The following ANKRD18B variants were observed in gnomAD, a reference collection of about 807,000 sequenced individuals.
ANKRD18B encodes ankyrin repeat domain 18B.
A neutral mutation model predicts 111.8 loss-of-function variants in ANKRD18B; 75 were observed. The observed-to-expected ratio is 0.67, with a 90% confidence interval of 0.56 to 0.81. The LOEUF (loss-of-function observed/expected upper bound fraction) is 0.81, where lower values mean the gene tolerates loss of function less well. Among genes scored for constraint, ANKRD18B ranks in the 40% least tolerant of loss-of-function variants. ANKRD18B has a pLI of 0.00. For synonymous variants in ANKRD18B, 356 were observed against 417.3 expected (o/e 0.85, Z 1.79); for missense variants, 1,038 against 1,225.5 (o/e 0.85, Z 2.28).
At chr9:33,530,106 C>T (rs1419977239) in intron 3 of ANKRD18B, among the ~76,000 whole-genome samples, 1 of 152,168 alleles carries the variant, frequency 6.6e-6, no homozygotes. Context: ...ATACTCTTCT[C>T]TCTGGCCACA....
At chr9:33,524,851 G>A (rs1828004195) in intron 1 of ANKRD18B, among the ~76,000 whole-genome samples, 156 bp downstream of exon 1, 1 of 152,258 alleles carries the variant, frequency 6.6e-6, no homozygotes, top group South Asian at 2.1e-4. Context: ...CCCGCCTGTA[G>A]CGCTTGGTGG....
chr9:33,530,092 T>A (rs1828088945), intron 3 of ANKRD18B, among the ~76,000 whole-genome samples: 1 of 152,160 alleles, frequency 6.6e-6, no homozygotes. Flanking sequence ...CATAACTCTA[T>A]CTCATACTCT....
intron 5 of ANKRD18B, among the ~76,000 whole-genome samples, chr9:33,535,783 A>G (rs1374239937): frequency 9.9e-6 from 1 of 101,008 alleles, no homozygotes; most frequent in Non-Finnish European, 2.0e-5. Flanking sequence ...CATTATAAAT[A>G]TTATATATAA....
rs769691804 is a variant in ANKRD18B at position 33,555,816 on chromosome 9, A to G, written c.2326A>G (p.Thr776Ala). ...AAATCGTGAATTAGAAGAAGAGGCA[A>G]CTGGGTATGGTTTTCATATTGTAGA... ...KKNRELEEEA[T>A]GYKKCLEMTI... The change falls in exon 13 of 19, where the codon ACT (threonine) becomes GCT (alanine). Residue 776 changes from threonine (T) to alanine (A), a missense_variant. By Grantham distance (58) the Thr-to-Ala change is moderately conservative. Coordinates refer to ENST00000684830, the MANE Select transcript of ANKRD18B (RefSeq NM_001393611.1). 32 of 1,381,166 alleles carry G rather than the reference A, an allele frequency of 2.3e-5. No individual in the cohort carries two copies. The highest frequency in any genetic ancestry group is 3.0e-5 in the Non-Finnish European group (32 of 1,062,716). 85.6% of individuals were successfully genotyped at this position (1,381,166 alleles called of 1,614,324 possible). A position where few individuals can be genotyped will look rare whatever the true frequency, so the allele number is the denominator to read the frequency against.
Position 33,528,806 on chromosome 9 carries a change from A to T in ANKRD18B, c.286A>T (p.Ile96Phe), listed in dbSNP as rs1393181256. 6.2e-7 allele frequency: 1 copy of T among 1,612,222 alleles called. No homozygotes were observed. Among genetic ancestry groups the T allele is most frequent in the East Asian group, 2.2e-5 (1 of 44,896 alleles). The change falls in exon 2 of 19, where the codon ATC (isoleucine) becomes TTC (phenylalanine). Residue 96 changes from isoleucine (I) to phenylalanine (F), a missense_variant. By Grantham distance (21) the Ile-to-Phe change is conservative. Around this residue, in one of 4 missense-constraint regions of ANKRD18B, gnomAD observed 216 missense variants for 205.1 expected, o/e 1.05. Transcript: ENST00000684830. ...LLLDRKCQIN[I>F]CDRLNRTPLM... is the part of the protein sequence containing the mutation. ...GCTGGACAGAAAATGCCAGATCAAC[A>T]TCTGTGACAGACTAAACAGGACACC... is the stretch of plus-strand genomic sequence containing the variant.
Position 33,524,689 on chromosome 9 carries a change from A to C in ANKRD18B, c.200A>C (p.Lys67Thr). ...RFRDLDVRDRKDRTVLHLACA... is the reference protein window; with the variant it reads ...RFRDLDVRDRTDRTVLHLACA... ...CGGGACTTGGACGTCCGCGACAGAA[A>C]AGACAGGTAGCGGGGGCTCAGCCCT... Residue 67 changes from lysine (K) to threonine (T), a missense_variant, in exon 1 of 19, where the codon AAA becomes ACA. Coordinates refer to ENST00000684830, the MANE Select transcript of ANKRD18B (RefSeq NM_001393611.1). 6.5e-7 allele frequency: 1 copy of C among 1,549,736 alleles called. No homozygotes were observed. The highest frequency in any genetic ancestry group is 8.7e-7 in the Non-Finnish European group (1 of 1,146,420).
chr9:33,557,294 G>C (rs1429882834), intron 13 of ANKRD18B, among the ~76,000 whole-genome samples: 3 of 151,920 alleles, frequency 2.0e-5, no homozygotes, highest in African/African-American at 4.8e-5. Flanking sequence ...ATGTCCTTGT[G>C]CTTTTTGGGT....
chr9:33,575,315 C>A (rs964665695), downstream of ANKRD18B, among the ~76,000 whole-genome samples: 4 of 148,010 alleles, frequency 2.7e-5, no homozygotes, highest in African/African-American at 1.0e-4. Context: ...CATCTGACCC[C>A]CCTTGGTGGG....
chr9:33,571,679 C>A lies in ANKRD18B; in HGVS notation c.3223+388C>A, dbSNP rs148489830. The A allele has an allele frequency of 8.0e-3, 1,231 of 154,714 alleles. 10 individuals are homozygous for A. The highest frequency in any genetic ancestry group is 0.012 in the Non-Finnish European group (855 of 69,652). 9.6% of individuals were successfully genotyped at this position (154,714 alleles called of 1,614,324 possible). ...GAAATTTCACCATGAAATAAAAACA[C>A]CCATGTCAATGTAATTCTTGTCAGG... On this transcript the variant is annotated intron_variant, in intron 18 of 18. Transcript: ENST00000684830.
chr9:33,531,898 T>A (rs1283276358), intron 3 of ANKRD18B, among the ~76,000 whole-genome samples: 1 of 152,004 alleles, frequency 6.6e-6, no homozygotes, highest in Non-Finnish European at 1.5e-5. Flanking sequence ...AGATTATGAA[T>A]ATTGCAGACA....
intron 3 of ANKRD18B, among the ~76,000 whole-genome samples, chr9:33,530,427 T>C (rs1733108831): frequency 6.7e-6 from 1 of 149,238 alleles, no homozygotes; most frequent in Non-Finnish European, 1.5e-5. Context: ...GGCGGGCAGA[T>C]CACGAGGTCA....
At chr9:33,532,631 G>T (rs899091000) in intron 3 of ANKRD18B, among the ~76,000 whole-genome samples, 3 of 152,100 alleles carry the variant, frequency 2.0e-5, no homozygotes, top group Non-Finnish European at 1.5e-5. Flanking sequence ...GAAAATAAGT[G>T]CATTTGAAGC....
chr9:33,535,665 A>T (rs1828186872), intron 5 of ANKRD18B, among the ~76,000 whole-genome samples: 2 of 147,416 alleles, frequency 1.4e-5, no homozygotes, highest in African/African-American at 4.9e-5. Flanking sequence ...TATATAATCT[A>T]TATATTATAT....
At chr9:33,526,349 G>A (rs1828025799) in intron 1 of ANKRD18B, among the ~76,000 whole-genome samples, 1 of 152,192 alleles carries the variant, frequency 6.6e-6, no homozygotes, top group African/African-American at 2.4e-5. Flanking sequence ...AGGTGGAGAA[G>A]TATGTTGATA....
chr9:33,528,564 G>A (rs1330769641), intron 1 of ANKRD18B, 163 bp from the exon 2 acceptor site: 4 of 549,208 alleles, frequency 7.3e-6, no homozygotes, highest in South Asian at 3.3e-5. Flanking sequence ...TTTCATTAAG[G>A]TAGGGAGCAG....
At chr9:33,528,945 T>G in intron 2 of ANKRD18B, 55 bp from the exon 3 acceptor site, 1 of 1,598,940 alleles carries the variant, frequency 6.3e-7, no homozygotes, top group East Asian at 2.2e-5. Flanking sequence ...ACCTGTGGAA[T>G]ATGTATTTTG....
chr9:33,567,479 T>C (rs1222134425), intron 16 of ANKRD18B, among the ~76,000 whole-genome samples, 165 bp downstream of exon 16: 1 of 152,222 alleles, frequency 6.6e-6, no homozygotes, highest in Non-Finnish European at 1.5e-5. Context: ...CTTTAAAATG[T>C]TCATCAAGGA....
intron 17 of ANKRD18B, among the ~76,000 whole-genome samples, chr9:33,570,557 AC>A (rs1828756494): frequency 6.6e-6 from 1 of 152,132 alleles, no homozygotes; most frequent in Admixed American, 6.5e-5. Flanking sequence ...AATGGATTAA[AC>A]TTTTATAAAG....
intron 14 of ANKRD18B, among the ~76,000 whole-genome samples, chr9:33,564,962 T>C (rs1374440786): frequency 6.6e-6 from 1 of 152,248 alleles, no homozygotes; most frequent in Non-Finnish European, 1.5e-5. Flanking sequence ...ATTTGTCCTT[T>C]ATTAGATGAA....
Sources: allele counts gnomAD v4.1 joint callset (sites outside exome capture counted in the v4.1 genomes callset), GRCh38; gene constraint gnomAD v4.1.1; regional missense constraint gnomAD v4.1.1; transcripts MANE v1.5; gene names NCBI Gene and HGNC (gene_info 2026-07-23, HGNC 2026-07-21).